The following NELL1 variants were observed in gnomAD, a reference collection of about 807,000 sequenced individuals.
The protein encoded by NELL1 is protein kinase C-binding protein NELL1.
Under a neutral mutation model 107.4 loss-of-function variants are expected in NELL1, and 76 were observed. The ratio of observed to expected loss-of-function variants is 0.71; its 90% CI spans 0.59 to 0.86. The LOEUF is 0.86. Ranked by LOEUF, NELL1 falls within the 40% of genes least tolerant of loss-of-function variation. The pLI is 0.00. For missense variants in NELL1, 1,024 were observed against 1,005.5 expected, an observed-to-expected ratio of 1.02 and a Z score of -0.25; for synonymous variants, 353 against 341.2, an observed-to-expected ratio of 1.03 and a Z score of -0.38.
intron 15 of NELL1, among the ~76,000 whole-genome samples, chr11:21,445,277 TTTTG>T (rs998516645): frequency 2.0e-5 from 3 of 152,050 alleles, no homozygotes; most frequent in East Asian, 1.9e-4. Context: ...AGTTGGTTTT[TTTTG>T]TTTGTTTTGT....
chr11:20,979,390 G>A (rs1296084547), intron 12 of NELL1, among the ~76,000 whole-genome samples: 1 of 152,184 alleles, frequency 6.6e-6, no homozygotes, highest in African/African-American at 2.4e-5. Context: ...GTGCACACGT[G>A]TGTGTTTTAT....
At chr11:21,187,093 C>A (rs1290182778) in intron 13 of NELL1, among the ~76,000 whole-genome samples, 1 of 151,726 alleles carries the variant, frequency 6.6e-6, no homozygotes, top group African/African-American at 2.4e-5. Context: ...TAGCACATGA[C>A]AGAAATATAA....
At chr11:21,170,229 T>C in intron 13 of NELL1, 1 of 448,640 alleles carries the variant, frequency 2.2e-6, no homozygotes, top group South Asian at 2.8e-5. Context: ...GAAAATTTCT[T>C]GTCCTCTTGG....
chr11:21,115,690 T>C (rs1483162695), intron 13 of NELL1, among the ~76,000 whole-genome samples: 1 of 151,964 alleles, frequency 6.6e-6, no homozygotes, highest in Non-Finnish European at 1.5e-5. Context: ...CCTATTAGAA[T>C]GTAAGTTCAC....
At chr11:20,895,964 A>G (rs1849728403) in intron 5 of NELL1, among the ~76,000 whole-genome samples, 2 of 151,334 alleles carry the variant, frequency 1.3e-5, no homozygotes, top group South Asian at 4.2e-4. Context: ...AAATTCTATG[A>G]TTTGGTGTTT....
intron 1 of NELL1, among the ~76,000 whole-genome samples, chr11:20,675,172 C>G (rs1295873782): frequency 6.6e-6 from 1 of 152,126 alleles, no homozygotes; most frequent in Non-Finnish European, 1.5e-5. Context: ...CAAGTCGCTG[C>G]CTGAATAATG....
At chr11:21,188,603 T>TA (rs568924679) in intron 13 of NELL1, among the ~76,000 whole-genome samples, 13 of 151,430 alleles carry the variant, frequency 8.6e-5, no homozygotes, top group Admixed American at 3.9e-4. Flanking sequence ...TCTAATTAAA[T>TA]AAAAAAAATT....
At chr11:21,207,630 A>T (rs375411586) in intron 13 of NELL1, among the ~76,000 whole-genome samples, 11 of 152,328 alleles carry the variant, frequency 7.2e-5, no homozygotes, top group African/African-American at 2.6e-4. Context: ...AACACTCATT[A>T]TATCAATGGT....
intron 15 of NELL1, among the ~76,000 whole-genome samples, chr11:21,522,874 T>C (rs1226006811): frequency 7.9e-6 from 1 of 126,382 alleles, no homozygotes; most frequent in African/African-American, 2.9e-5. Context: ...GGAGTCTCGC[T>C]CTGTCACCCA....
At chr11:21,332,240 A>C (rs1850287814) in intron 14 of NELL1, among the ~76,000 whole-genome samples, 1 of 151,944 alleles carries the variant, frequency 6.6e-6, no homozygotes, top group African/African-American at 2.4e-5. Context: ...TTGCGTTCAA[A>C]GGTCCAAGGG....
At chr11:21,333,550 T>A (rs763326829) in intron 14 of NELL1, among the ~76,000 whole-genome samples, 1 of 152,188 alleles carries the variant, frequency 6.6e-6, no homozygotes, top group Non-Finnish European at 1.5e-5. Flanking sequence ...TTCTTCCATA[T>A]GTATGTATAC....
intron 2 of NELL1, among the ~76,000 whole-genome samples, chr11:20,701,373 A>G (rs1854782040): frequency 1.3e-5 from 2 of 151,922 alleles, no homozygotes; most frequent in Non-Finnish European, 2.9e-5. Flanking sequence ...TTTTTCTTGT[A>G]AGTTTGTTTA....
intron 14 of NELL1, among the ~76,000 whole-genome samples, chr11:21,255,195 G>A (rs945203327): frequency 1.3e-5 from 2 of 152,068 alleles, no homozygotes; most frequent in African/African-American, 2.4e-5. Context: ...GTTAAGCTGA[G>A]GTTGACATTT....
intron 4 of NELL1, among the ~76,000 whole-genome samples, chr11:20,877,630 T>C (rs1331790627): frequency 6.6e-6 from 1 of 152,170 alleles, no homozygotes; most frequent in Admixed American, 6.6e-5. Flanking sequence ...TTAAGAGAGG[T>C]TACACCTTGG....
chr11:21,221,260 T>C (rs1407607719), intron 13 of NELL1, among the ~76,000 whole-genome samples: 1 of 152,208 alleles, frequency 6.6e-6, no homozygotes, highest in African/African-American at 2.4e-5. Flanking sequence ...AATCTTTGTG[T>C]TGTACTGTTG....
At chr11:21,120,106 G>A (rs1452756525) in intron 13 of NELL1, among the ~76,000 whole-genome samples, 1 of 152,064 alleles carries the variant, frequency 6.6e-6, no homozygotes, top group Non-Finnish European at 1.5e-5. Context: ...TATTGGCATG[G>A]AAGAAACCTT....
intron 15 of NELL1, chr11:21,383,697 A>G (rs1172918835): frequency 6.7e-6 from 1 of 149,096 alleles, no homozygotes; most frequent in Non-Finnish European, 1.5e-5. Flanking sequence ...ATCTGTATAT[A>G]TATTTATACA....
chr11:20,826,666 C>T (rs1857891500), intron 3 of NELL1, among the ~76,000 whole-genome samples: 1 of 151,076 alleles, frequency 6.6e-6, no homozygotes, highest in South Asian at 2.1e-4. Context: ...GATTGACACC[C>T]CTTCAGGAAA....
intron 15 of NELL1, among the ~76,000 whole-genome samples, chr11:21,463,664 T>C (rs1187490556): frequency 6.6e-6 from 1 of 152,114 alleles, no homozygotes; most frequent in African/African-American, 2.4e-5. Context: ...AGACCTCATC[T>C]GGTGTATCTG....
Sources: allele counts gnomAD v4.1 joint callset (sites outside exome capture counted in the v4.1 genomes callset), GRCh38; gene constraint gnomAD v4.1.1; transcripts MANE v1.5; gene names NCBI Gene and HGNC (gene_info 2026-07-23, HGNC 2026-07-21).